FPR3: variants seen among roughly 807,000 people sequenced by gnomAD.
FPR3 encodes formyl peptide receptor 3.
For missense variants in FPR3, 346 were observed against 443.2 expected, an observed-to-expected ratio of 0.78 and a Z score of 1.97; for synonymous variants, 135 against 163.6, an observed-to-expected ratio of 0.83 and a Z score of 1.34.
intron 1 of FPR3, among the ~76,000 whole-genome samples, chr19:51,810,816 T>C (rs1042831550): frequency 6.6e-6 from 1 of 152,136 alleles, no homozygotes; most frequent in Non-Finnish European, 1.5e-5. Flanking sequence ...AACAACTTAC[T>C]CTAGTGGGGT....
chr19:51,817,516 G>GT (rs374226180), intron 1 of FPR3, among the ~76,000 whole-genome samples: 42,403 of 145,352 alleles, frequency 0.29, 5,949 homozygotes, highest in South Asian at 0.41. Context: ...AATCTGTTTT[G>GT]TTTTTTTTTT....
In FPR3 at chr19:51,823,846, AC is replaced by A; in HGVS notation, c.99del (p.His33GlnfsTer15). On this transcript the variant is annotated frameshift_variant, in exon 2 of 2. Transcript: ENST00000339223. LOFTEE classifies it low-confidence loss of function (END_TRUNC). The part of the protein sequence containing the change: ...TVLWIFSLLV[H>X]GVTFVFGVLG... ...CTGTGGATCTTCTCATTGCTAGTCC[AC>A]GGAGTCACCTTTGTCTTCGGGGTCC... The A allele has an allele frequency of 6.2e-7, 1 of 1,613,978 alleles. No individual in the cohort carries two copies. Among genetic ancestry groups the A allele is most frequent in the Non-Finnish European group, 8.5e-7 (1 of 1,179,962 alleles).
chr19:51,803,171 C>T (rs12459754), intron 1 of FPR3, among the ~76,000 whole-genome samples: 7,224 of 152,106 alleles, frequency 0.047, 380 homozygotes, highest in East Asian at 0.21. Context: ...ATTAAAATAA[C>T]GTGAACCAAG....
chr19:51,800,171 C>T (rs148062393), intron 1 of FPR3, among the ~76,000 whole-genome samples: 2 of 152,186 alleles, frequency 1.3e-5, no homozygotes, highest in East Asian at 1.9e-4. Context: ...TTGCAAGAGC[C>T]GGTGCTGCTG....
rs58620565 is a variant in FPR3 at position 51,795,504 on chromosome 19, C to CTTTTTTTTTTTTTTTTT, written c.-11+186_-11+202dup. On this transcript the variant is annotated intron_variant, in intron 1 of 1. Transcript: ENST00000339223. ...TTTGGTTACATGTTCCAGTAACATT[C>CTTTTTTTTTTTTTTTTT]TTTTTTTTTTTTTTTTTTTTTTTTT... Among the ~76,000 whole-genome samples the CTTTTTTTTTTTTTTTTT allele has an allele frequency of 1.1e-3, 81 of 74,732 alleles. 16 individuals carry two copies. The highest frequency in any genetic ancestry group is 1.3e-3 in the Non-Finnish European group (54 of 43,138). 49.0% of individuals were successfully genotyped at this position (74,732 alleles called of 152,430 possible). A position where few individuals can be genotyped will look rare whatever the true frequency, so the allele number is the denominator to read the frequency against.
intron 1 of FPR3, among the ~76,000 whole-genome samples, chr19:51,823,277 G>C (rs147073016): frequency 1.6e-3 from 240 of 152,208 alleles, no homozygotes; most frequent in African/African-American, 5.3e-3. Context: ...ATAGGTCAAG[G>C]GTCCTCACAG....
At chr19:51,807,002 A>C (rs2084063504) in intron 1 of FPR3, among the ~76,000 whole-genome samples, 1 of 152,256 alleles carries the variant, frequency 6.6e-6, no homozygotes, top group Non-Finnish European at 1.5e-5. Context: ...AATCATTTAA[A>C]GTCTGTAACC....
At chr19:51,796,139 T>C (rs1483397133) in intron 1 of FPR3, among the ~76,000 whole-genome samples, 2 of 152,226 alleles carry the variant, frequency 1.3e-5, no homozygotes. Flanking sequence ...GGGATCTCTC[T>C]GAAATAATAT....
In FPR3 at chr19:51,823,929, A is replaced by G; in HGVS notation, c.181A>G (p.Thr61Ala). The G allele has an allele frequency of 1.2e-6, 2 of 1,614,068 alleles. No individual in the cohort carries two copies. Among genetic ancestry groups the G allele is most frequent in the South Asian group, 1.1e-5 (1 of 91,070 alleles). ...ATTCCGGATGACACGCACAGTCAACACCATCTGTTACCTGAACCTGGCCCT... is the reference window on the plus strand; with the variant it reads ...ATTCCGGATGACACGCACAGTCAACGCCATCTGTTACCTGAACCTGGCCCT... ...AGFRMTRTVN[T>A]ICYLNLALAD... Residue 61 changes from threonine to alanine, a missense_variant, in exon 2 of 2, where the codon ACC becomes GCC. Physicochemically the swap from Thr to Ala is moderately conservative, Grantham distance 58 (BLOSUM62 0). Coordinates refer to ENST00000339223, the MANE Select transcript of FPR3 (RefSeq NM_002030.5).
At chr19:51,807,447 C>T (rs2084067518) in intron 1 of FPR3, among the ~76,000 whole-genome samples, 1 of 152,148 alleles carries the variant, frequency 6.6e-6, no homozygotes, top group Admixed American at 6.5e-5. Flanking sequence ...CAGTGGAATG[C>T]TGAGTTGGTC....
At chr19:51,818,186 T>C (rs1291062742) in intron 1 of FPR3, among the ~76,000 whole-genome samples, 1 of 152,232 alleles carries the variant, frequency 6.6e-6, no homozygotes, top group Admixed American at 6.5e-5. Flanking sequence ...ATGCATCTCA[T>C]GTCTTCTAAG....
intron 1 of FPR3, among the ~76,000 whole-genome samples, chr19:51,815,287 T>G (rs944016929): frequency 6.6e-6 from 1 of 152,014 alleles, no homozygotes; most frequent in Admixed American, 6.5e-5. Context: ...GTTGGCTGGG[T>G]GCAGTGGCTC....
At chr19:51,816,884 G>A (rs915237126) in intron 1 of FPR3, among the ~76,000 whole-genome samples, 9 of 152,224 alleles carry the variant, frequency 5.9e-5, no homozygotes, top group African/African-American at 2.2e-4. Flanking sequence ...GCTGTTAGAA[G>A]TATGTGTGTA....
rs1215367237 is a variant in FPR3, at chr19:51,824,014, A to G, written c.266A>G (p.Glu89Gly). The G allele has an allele frequency of 1.2e-6, 2 of 1,614,072 alleles. No individual in the cohort carries two copies. The highest frequency in any genetic ancestry group is 2.2e-5 in the South Asian group (2 of 91,072). Residue 89 changes from glutamate to glycine, a missense_variant, in exon 2 of 2, where the codon GAA becomes GGA. Transcript: ENST00000339223. The surrounding 1 kb of genome is among the most constrained non-coding windows in gnomAD (Gnocchi z 4.7). ...CGAATGGTCTCAGTCGCCATGAGAG[A>G]AAAATGGCCTTTTGGCTCATTCCTA... is the stretch of plus-strand genomic sequence containing the variant. ...PFRMVSVAMR[E>G]KWPFGSFLCK...
intron 1 of FPR3, among the ~76,000 whole-genome samples, chr19:51,819,231 G>A (rs1183838416): frequency 6.6e-6 from 1 of 152,210 alleles, no homozygotes; most frequent in Non-Finnish European, 1.5e-5. Flanking sequence ...TGGGTTTGGA[G>A]TGTCTATGGG....
intron 1 of FPR3, among the ~76,000 whole-genome samples, chr19:51,799,501 C>G (rs949854162): frequency 6.6e-6 from 1 of 152,200 alleles, no homozygotes; most frequent in African/African-American, 2.4e-5. Flanking sequence ...GACACAATCC[C>G]AATGTCTGTG....
intron 1 of FPR3, among the ~76,000 whole-genome samples, chr19:51,819,581 C>T (rs2084172749): frequency 6.6e-6 from 1 of 152,068 alleles, no homozygotes; most frequent in Non-Finnish European, 1.5e-5. Context: ...GAGAAAGGTC[C>T]ACTGGATTTG....
intron 1 of FPR3, among the ~76,000 whole-genome samples, chr19:51,801,763 T>G (rs1056116655): frequency 6.6e-6 from 1 of 152,204 alleles, no homozygotes; most frequent in African/African-American, 2.4e-5. Flanking sequence ...CTGCACGAAT[T>G]GACAAAATTT....
intron 1 of FPR3, among the ~76,000 whole-genome samples, chr19:51,800,444 G>A (rs942259100): frequency 6.6e-6 from 1 of 152,140 alleles, no homozygotes; most frequent in Non-Finnish European, 1.5e-5. Flanking sequence ...TTACAGGCTG[G>A]GGCAATTACA....
Sources: allele counts gnomAD v4.1 joint callset (sites outside exome capture counted in the v4.1 genomes callset), GRCh38; gene constraint gnomAD v4.1.1; non-coding constraint Gnocchi (gnomAD v3.1); transcripts MANE v1.5; gene names NCBI Gene and HGNC (gene_info 2026-07-23, HGNC 2026-07-21).